Variants in RAB19 observed in about 807,000 individuals in gnomAD.
RAB19 encodes RAB19, member RAS oncogene family.
RAB19 carries 21 observed loss-of-function variants against 17.3 expected under a neutral mutation model. The observed-to-expected ratio is 1.21, with a 90% CI of 0.86 to 1.74. The LOEUF is 1.74. RAB19 is among the 40% of genes most tolerant of loss of function. The probability of loss-of-function intolerance (pLI) is 0.00; values close to 1 mark genes in which losing one functional copy is unlikely to be tolerated. For synonymous variants in RAB19, 126 were observed against 110.4 expected, an observed-to-expected ratio of 1.14 and a Z score of -0.88; for missense variants, 277 against 286.8, an observed-to-expected ratio of 0.97 and a Z score of 0.25.
intron 2 of RAB19, among the ~76,000 whole-genome samples, chr7:140,408,194 T>G (rs1799286403): frequency 6.6e-6 from 1 of 151,834 alleles, no homozygotes; most frequent in Non-Finnish European, 1.5e-5. Flanking sequence ...CAGTTCCACC[T>G]TTTTTAGCCA....
In RAB19 at chr7:140,427,083, C is replaced by T. The variant is rs1411694371; in HGVS notation, c.*933C>T. Among the ~76,000 whole-genome samples the T allele has an allele frequency of 6.6e-6, 1 of 150,948 alleles. No homozygotes were observed. Among genetic ancestry groups the T allele is most frequent in the African/African-American group, 2.4e-5 (1 of 41,092 alleles). The stretch of plus-strand genomic sequence containing the variant: ...TCTTGAACTCCTGAGCTCAGGTGAT[C>T]TGCCCACCTTGGCTTCCCAAAGTGC... On this transcript the variant is annotated 3_prime_UTR_variant, in exon 4 of 4. Coordinates refer to ENST00000537763, the MANE Select transcript of RAB19 (RefSeq NM_001008749.3).
intron 3 of RAB19, among the ~76,000 whole-genome samples, chr7:140,417,715 G>A (rs147952068): frequency 3.6e-4 from 55 of 152,294 alleles, no homozygotes; most frequent in African/African-American, 1.2e-3. Context: ...TCAGTCCTGC[G>A]GGGCTGAAAT....
chr7:140,407,336 G>T (rs3924182), intron 1 of RAB19, among the ~76,000 whole-genome samples: 1 of 152,066 alleles, frequency 6.6e-6, no homozygotes, highest in Non-Finnish European at 1.5e-5. Flanking sequence ...GTGGCACCTC[G>T]TCTCCAGGCC....
At chr7:140,408,002 C>T (rs1166739545) in intron 2 of RAB19, among the ~76,000 whole-genome samples, 155 bp downstream of exon 2, 1 of 149,334 alleles carries the variant, frequency 6.7e-6, no homozygotes, top group East Asian at 2.0e-4. Context: ...CTCAGCCTCC[C>T]AAGTAACAGG....
chr7:140,420,329 G>T (rs1472933910), intron 3 of RAB19, among the ~76,000 whole-genome samples: 1 of 150,528 alleles, frequency 6.6e-6, no homozygotes, highest in Non-Finnish European at 1.5e-5. Flanking sequence ...GCTGAGCCAG[G>T]AGAATCGCTT....
chr7:140,404,972 G>A (rs1172544679), intron 1 of RAB19, among the ~76,000 whole-genome samples: 1 of 152,200 alleles, frequency 6.6e-6, no homozygotes, highest in Non-Finnish European at 1.5e-5. Context: ...AGAAGTGAGA[G>A]CTGCCCAGTG....
chr7:140,407,172 A>G (rs1169217016), intron 1 of RAB19, among the ~76,000 whole-genome samples: 1 of 152,088 alleles, frequency 6.6e-6, no homozygotes, highest in African/African-American at 2.4e-5. Context: ...GGCATGAGCC[A>G]TCGTGCACGG....
intron 3 of RAB19, among the ~76,000 whole-genome samples, chr7:140,424,629 ATATATATATATGTGTGTGTG>A (rs1799626834): frequency 2.2e-5 from 3 of 136,818 alleles, no homozygotes; most frequent in African/African-American, 9.0e-5. Context: ...CTATATATAT[ATATATATATATGTGTGTGTG>A]TATATATGTG....
chr7:140,414,298 T>C (rs1383645839), intron 3 of RAB19, among the ~76,000 whole-genome samples: 2 of 152,076 alleles, frequency 1.3e-5, no homozygotes, highest in African/African-American at 4.8e-5. Context: ...TACCTCAGCC[T>C]CCCAAAGTGC....
intron 3 of RAB19, among the ~76,000 whole-genome samples, chr7:140,413,398 C>A (rs781127635): frequency 6.6e-6 from 1 of 151,588 alleles, no homozygotes; most frequent in African/African-American, 2.4e-5. Flanking sequence ...TTAGGATAAT[C>A]TTTTCTATTT....
chr7:140,424,041 G>T (rs1799607945), intron 3 of RAB19, among the ~76,000 whole-genome samples: 1 of 151,528 alleles, frequency 6.6e-6, no homozygotes, highest in African/African-American at 2.4e-5. Context: ...TTTTAGTAGA[G>T]ACGGGGTTTC....
intron 2 of RAB19, among the ~76,000 whole-genome samples, chr7:140,411,356 C>T (rs1799357867): frequency 6.6e-6 from 1 of 152,044 alleles, no homozygotes; most frequent in Non-Finnish European, 1.5e-5. Context: ...GCTGAGATGG[C>T]GCCACTGCAC....
At chr7:140,415,157 C>T (rs1009509569) in intron 3 of RAB19, among the ~76,000 whole-genome samples, 1 of 151,908 alleles carries the variant, frequency 6.6e-6, no homozygotes, top group African/African-American at 2.4e-5. Context: ...TCACTGCAAC[C>T]TCCACCACCC....
intron 3 of RAB19, among the ~76,000 whole-genome samples, chr7:140,418,500 C>T (rs552893429): frequency 2.0e-5 from 3 of 151,100 alleles, no homozygotes; most frequent in African/African-American, 4.9e-5. Flanking sequence ...TGCTTGAACC[C>T]GGGAGGCAGA....
At chr7:140,410,481 G>C (rs900359575) in intron 2 of RAB19, among the ~76,000 whole-genome samples, 4 of 151,606 alleles carry the variant, frequency 2.6e-5, no homozygotes, top group African/African-American at 7.3e-5. Context: ...CGCCCGCCAC[G>C]GCGCCCGGCT....
In RAB19 at chr7:140,424,663, G is replaced by GTGTA. The variant is rs375620703; in HGVS notation, c.386-1218_386-1217insGTAT. Among the ~76,000 whole-genome samples, 77 of 117,728 alleles carry GTGTA rather than the reference G, an allele frequency of 6.5e-4. 1 individual carries two copies. Among genetic ancestry groups the GTGTA allele is most frequent in the East Asian group, 9.4e-4 (4 of 4,266 alleles). The allele number at this position is 117,728 out of a possible 152,430, so 77.2% of individuals were successfully genotyped here. ...TATGTGTGTGTGTATATATGTGTGTGTATATATATATATATATATACACAT... is the reference window on the plus strand; with the variant it reads ...TATGTGTGTGTGTATATATGTGTGTGTGTATATATATATATATATATATACACAT... On this transcript the variant is annotated intron_variant, in intron 3 of 3. Coordinates refer to ENST00000537763, the MANE Select transcript of RAB19 (RefSeq NM_001008749.3).
At chr7:140,417,582 A>T (rs1799483090) in intron 3 of RAB19, among the ~76,000 whole-genome samples, 1 of 152,088 alleles carries the variant, frequency 6.6e-6, no homozygotes, top group African/African-American at 2.4e-5. Flanking sequence ...AAACACACGC[A>T]TGGTTCTCTT....
intron 1 of RAB19, among the ~76,000 whole-genome samples, chr7:140,407,388 A>G (rs531593781): frequency 3.3e-4 from 51 of 152,272 alleles, no homozygotes; most frequent in African/African-American, 1.1e-3. Flanking sequence ...TTGACCGTCC[A>G]CTGGACCCAC....
At chr7:140,408,636 G>C (rs1018411149) in intron 2 of RAB19, among the ~76,000 whole-genome samples, 1 of 151,266 alleles carries the variant, frequency 6.6e-6, no homozygotes, top group Non-Finnish European at 1.5e-5. Context: ...CCACCACACC[G>C]GGCTAAGTTT....
Sources: gnomAD v4.1 joint callset for allele counts (sites outside exome capture counted in the v4.1 genomes callset) on GRCh38, gnomAD v4.1.1 for gene constraint, MANE v1.5 for transcripts, NCBI Gene and HGNC (gene_info 2026-07-23, HGNC 2026-07-21) for gene names.